Variants in SESN1 observed in about 807,000 individuals in gnomAD.
The protein encoded by SESN1 is sestrin-1.
In SESN1, 30 loss-of-function variants were observed where a neutral mutation model predicts 59.3. That is an observed-to-expected ratio of 0.51 (90% confidence interval 0.38 to 0.69). The LOEUF is 0.69. Ranked by LOEUF, SESN1 falls within the 30% of genes least tolerant of loss-of-function variation. SESN1 has a pLI of 0.00. For synonymous variants in SESN1, 197 were observed against 219.9 expected, an observed-to-expected ratio of 0.90 and a Z score of 0.92; for missense variants, 566 against 673.0, an observed-to-expected ratio of 0.84 and a Z score of 1.76.
intron 6 of SESN1, 185 bp from the exon 7 acceptor site, chr6:108,993,084 T>G (rs1372130235): frequency 1.9e-6 from 1 of 527,402 alleles, no homozygotes; most frequent in East Asian, 3.3e-5. Flanking sequence ...AAAGGAGATT[T>G]TCTGTTATAA....
intron 1 of SESN1, among the ~76,000 whole-genome samples, chr6:109,079,502 T>C (rs571420633): frequency 2.0e-5 from 3 of 152,312 alleles, no homozygotes; most frequent in South Asian, 2.1e-4. Context: ...TTTACTCTTA[T>C]AAATTTGCAA....
chr6:109,052,648 T>G (rs1384795521), intron 1 of SESN1, among the ~76,000 whole-genome samples: 2 of 152,252 alleles, frequency 1.3e-5, no homozygotes, highest in East Asian at 3.8e-4. Flanking sequence ...AAAACAATTT[T>G]TATTGACAAG....
chr6:109,036,163 G>A (rs1325223926), intron 1 of SESN1, among the ~76,000 whole-genome samples: 1 of 152,124 alleles, frequency 6.6e-6, no homozygotes, highest in African/African-American at 2.4e-5. Context: ...TGGGGAGGGA[G>A]GGAGTGTTGT....
intron 1 of SESN1, among the ~76,000 whole-genome samples, chr6:109,053,971 T>C (rs1163057247): frequency 2.0e-5 from 3 of 152,206 alleles, no homozygotes; most frequent in African/African-American, 7.2e-5. Flanking sequence ...GCAATTTTAG[T>C]AGTTTTCATC....
At chr6:109,052,572 T>TA (rs1780558310) in intron 1 of SESN1, among the ~76,000 whole-genome samples, 1 of 152,216 alleles carries the variant, frequency 6.6e-6, no homozygotes, top group Non-Finnish European at 1.5e-5. Context: ...TTCCCAATGT[T>TA]ATTGAAAATG....
At chr6:108,994,926 G>A (rs1032097962) in intron 5 of SESN1, among the ~76,000 whole-genome samples, 5 of 151,924 alleles carry the variant, frequency 3.3e-5, no homozygotes, top group South Asian at 2.1e-4. Context: ...GAATGGTCTC[G>A]ATCTCCTGAC....
intron 1 of SESN1, among the ~76,000 whole-genome samples, chr6:109,040,548 C>T (rs1450374933): frequency 6.6e-6 from 1 of 151,986 alleles, no homozygotes; most frequent in African/African-American, 2.4e-5. Context: ...CATCAGGTGT[C>T]CCACTACAAT....
In SESN1 at chr6:109,094,679, C is replaced by G. The variant is rs1005204831; in HGVS notation, c.-606G>C. On this transcript the variant is annotated 5_prime_UTR_variant, in exon 1 of 10. Transcript: ENST00000436639. ...TCGGAGGGCGGCAGTCTCGGGCAGC[C>G]GTAGTCTCGGCGGGCGGCGGTGAAA... The G allele has an allele frequency of 6.5e-6, 1 of 152,780 alleles. No homozygotes were observed. Among genetic ancestry groups the G allele is most frequent in the Admixed American group, 6.5e-5 (1 of 15,294 alleles). 9.5% of individuals were successfully genotyped at this position (152,780 alleles called of 1,614,324 possible).
chr6:109,025,842 T>C (rs1343712157), intron 1 of SESN1, among the ~76,000 whole-genome samples: 1 of 151,232 alleles, frequency 6.6e-6, no homozygotes, highest in Non-Finnish European at 1.5e-5. Flanking sequence ...AAATAGAAGG[T>C]CTAATACATA....
chr6:108,986,750 C>CA lies in SESN1; in HGVS notation c.*793dup, dbSNP rs1345874778. The CA allele has an allele frequency of 1.3e-5, 2 of 152,226 alleles. No homozygotes were observed. Among genetic ancestry groups the CA allele is most frequent in the Non-Finnish European group, 2.9e-5 (2 of 68,044 alleles). The allele number at this position is 152,226 out of a possible 1,614,324, so 9.4% of individuals were successfully genotyped here. On this transcript the variant is annotated 3_prime_UTR_variant, in exon 10 of 10. Coordinates refer to ENST00000436639, the MANE Select transcript of SESN1 (RefSeq NM_014454.3). ...TCCCACAACTTTGGTGCTGGAAACA[C>CA]AAGTAATGCACAAGACAGCTGCCCT...
chr6:109,001,199 T>C, intron 3 of SESN1, 89 bp downstream of exon 3: 1 of 1,049,698 alleles, frequency 9.5e-7, no homozygotes, highest in Non-Finnish European at 1.4e-6. Flanking sequence ...ATAATCTAAG[T>C]ATTTATCCCT....
At position 109,025,249 on chromosome 6, in the gene SESN1, C is replaced by T. The variant is rs1020544014; in HGVS notation, c.280-22906G>A. Among the ~76,000 whole-genome samples the T allele has an allele frequency of 1.2e-3, 185 of 152,030 alleles. 1 individual carries two copies. Among genetic ancestry groups the T allele is most frequent in the African/African-American group, 4.0e-3 (166 of 41,462 alleles). ...AGGGGTAAAATCTCCCCTGAATATT[C>T]ATAAACACAAGGTGGATCACACATA... On this transcript the variant is annotated intron_variant, in intron 1 of 9. Coordinates refer to ENST00000436639, the MANE Select transcript of SESN1 (RefSeq NM_014454.3).
intron 1 of SESN1, chr6:109,009,529 T>G (rs1351038453): frequency 1.7e-5 from 20 of 1,176,946 alleles, no homozygotes; most frequent in South Asian, 4.1e-5. Context: ...GGCTCCTGGC[T>G]GCAGCGCCTC....
intron 4 of SESN1, chr6:108,999,899 G>C (rs1197451139): frequency 1.3e-5 from 2 of 152,092 alleles, no homozygotes; most frequent in Admixed American, 1.3e-4. Flanking sequence ...CCTTCAATAG[G>C]TGAATGGATA....
chr6:109,041,043 A>T lies in SESN1; in HGVS notation c.280-38700T>A, dbSNP rs552288569. ...AGGCCAGGCACAGTGGCTCATGCCCATAATCCCAGCACTTTGGGAAGCTGA... is the reference window on the plus strand; with the variant it reads ...AGGCCAGGCACAGTGGCTCATGCCCTTAATCCCAGCACTTTGGGAAGCTGA... On this transcript the variant is annotated intron_variant, in intron 1 of 9. Transcript: ENST00000436639. Among the ~76,000 whole-genome samples, 360 of 152,024 alleles carry T rather than the reference A, an allele frequency of 2.4e-3. 1 individual carries two copies. The highest frequency in any genetic ancestry group is 8.3e-3 in the African/African-American group (343 of 41,504).
At chr6:109,023,379 A>G (rs1480809953) in intron 1 of SESN1, among the ~76,000 whole-genome samples, 1 of 152,220 alleles carries the variant, frequency 6.6e-6, no homozygotes, top group African/African-American at 2.4e-5. Flanking sequence ...CATGCTGAAT[A>G]AGGAAAATCT....
intron 5 of SESN1, among the ~76,000 whole-genome samples, chr6:108,997,968 G>A (rs1415465654): frequency 6.6e-6 from 1 of 152,146 alleles, no homozygotes; most frequent in Non-Finnish European, 1.5e-5. Flanking sequence ...AGAGGTGAAA[G>A]CATTTTAACA....
chr6:109,064,131 C>T (rs1780776491), intron 1 of SESN1, among the ~76,000 whole-genome samples: 1 of 152,076 alleles, frequency 6.6e-6, no homozygotes, highest in African/African-American at 2.4e-5. Context: ...TAGTATTTAG[C>T]CTTGTCACTA....
chr6:109,079,404 ATT>A (rs1204321940), intron 1 of SESN1, among the ~76,000 whole-genome samples: 2 of 152,172 alleles, frequency 1.3e-5, no homozygotes, highest in African/African-American at 4.8e-5. Context: ...TGCCAAAATC[ATT>A]TTGTTTCATC....
Sources: gnomAD v4.1 joint callset for allele counts (sites outside exome capture counted in the v4.1 genomes callset) on GRCh38, gnomAD v4.1.1 for gene constraint, MANE v1.5 for transcripts, NCBI Gene and HGNC (gene_info 2026-07-23, HGNC 2026-07-21) for gene names.